PASD1: variants seen among roughly 807,000 people sequenced by gnomAD.
The protein encoded by PASD1 is circadian clock protein PASD1.
Under a neutral mutation model 58.8 loss-of-function variants are expected in PASD1, and 13 were observed. That is an observed-to-expected ratio of 0.22 (90% CI 0.14 to 0.35). The LOEUF is 0.35. PASD1 is among the 10% of genes least tolerant of loss of function. The pLI, the probability that PASD1 is intolerant of heterozygous loss-of-function variation, is 1.00. For missense variants in PASD1, 734 were observed against 568.3 expected (o/e 1.29, Z -2.96); for synonymous variants, 236 against 216.7 (o/e 1.09, Z -0.78).
intron 1 of PASD1, among the ~76,000 whole-genome samples, chrX:151,599,953 A>T (rs1392773922): frequency 1.8e-5 from 2 of 111,957 alleles, no homozygotes; most frequent in African/African-American, 3.2e-5. Context: ...AGATCACGCC[A>T]CTGCACACCA....
intron 1 of PASD1, among the ~76,000 whole-genome samples, chrX:151,599,857 C>T (rs1014817116): frequency 2.2e-3 from 246 of 110,727 alleles, no homozygotes; most frequent in Non-Finnish European, 3.0e-3. Context: ...ACTTCCTAGA[C>T]GGGGTGGCGG....
intron 9 of PASD1, among the ~76,000 whole-genome samples, chrX:151,650,125 A>G: frequency 8.9e-6 from 1 of 111,735 alleles, no homozygotes; most frequent in African/African-American, 3.3e-5. Context: ...CACACAAACT[A>G]ATTACAGGTA....
chrX:151,617,111 T>G (rs1472411680), intron 4 of PASD1, among the ~76,000 whole-genome samples: 5 of 111,722 alleles, frequency 4.5e-5, no homozygotes, highest in Non-Finnish European at 9.4e-5. Flanking sequence ...CAAACTTGGC[T>G]TTTGAAAAAC....
intron 1 of PASD1, among the ~76,000 whole-genome samples, chrX:151,566,022 G>A (rs752371703): frequency 1.8e-5 from 2 of 112,197 alleles, no homozygotes; most frequent in East Asian, 5.6e-4. Context: ...GAGAGCATTT[G>A]GTTGTTGGTA....
intron 10 of PASD1, among the ~76,000 whole-genome samples, chrX:151,660,694 A>G (rs1452860496): frequency 8.9e-6 from 1 of 112,652 alleles, no homozygotes; most frequent in Admixed American, 9.4e-5. Flanking sequence ...CCAATGATGG[A>G]GAAATCCTTA....
chrX:151,570,089 G>C (rs1602898424), intron 1 of PASD1, among the ~76,000 whole-genome samples: 1 of 111,448 alleles, frequency 9.0e-6, no homozygotes, highest in East Asian at 2.8e-4. Context: ...GGACAAGGCA[G>C]CCCTGCAGTA....
Position 151,672,676 on chromosome X carries a change from G to A in PASD1, c.1916+15G>A, listed in dbSNP as rs771429476. 1 of 1,207,820 alleles carries A rather than the reference G, an allele frequency of 8.3e-7. No homozygotes were observed. The highest frequency in any genetic ancestry group is 1.7e-5 in the African/African-American group (1 of 57,801). The stretch of plus-strand genomic sequence containing the variant: ...GAGAGTCAAAGGTAAGACATGCATG[G>A]AATGGTGATAGTGGCTATGATTATT... On this transcript the variant is annotated intron_variant, in intron 14 of 15. Transcript: ENST00000370357.
chrX:151,606,131 C>T (rs1447512108), intron 3 of PASD1, among the ~76,000 whole-genome samples: 2 of 111,783 alleles, frequency 1.8e-5, no homozygotes, highest in Non-Finnish European at 3.8e-5. Flanking sequence ...CCCTCCTTTC[C>T]ACTTTTTTCC....
intron 9 of PASD1, among the ~76,000 whole-genome samples, chrX:151,651,953 C>T (rs1237823553): frequency 8.9e-6 from 1 of 112,217 alleles, no homozygotes; most frequent in Non-Finnish European, 1.9e-5. Flanking sequence ...ACTATTTTGT[C>T]ATATTGTCCT....
chrX:151,669,234 T>C (rs1202114057), intron 11 of PASD1, among the ~76,000 whole-genome samples: 1 of 106,413 alleles, frequency 9.4e-6, no homozygotes, highest in Non-Finnish European at 1.9e-5. Flanking sequence ...ATTGATGGTT[T>C]TCATATTATA....
Position 151,671,137 on chromosome X carries a change from C to T in PASD1, c.1171C>T (p.Leu391=). The T allele has an allele frequency of 8.3e-7, 1 of 1,211,763 alleles. No homozygotes were observed. Among genetic ancestry groups the T allele is most frequent in the Non-Finnish European group, 1.1e-6 (1 of 895,462 alleles). Residue 391 remains leucine (L), a synonymous_variant, in exon 12 of 16, where the codon CTG becomes TTG. Transcript: ENST00000370357. ...KEQLEERTWL[L]HDAIQNQQNA... The stretch of plus-strand genomic sequence containing the variant: ...GCAGCTAGAAGAGAGGACTTGGTTG[C>T]TGCATGATGCCATCCAAAACCAGCA...
intron 1 of PASD1, among the ~76,000 whole-genome samples, chrX:151,575,540 C>T (rs12840205): frequency 0.092 from 10,259 of 111,786 alleles, 502 homozygotes; most frequent in Non-Finnish European, 0.14. Flanking sequence ...TACTTTTGTA[C>T]TTACCTTTTT....
At chrX:151,635,244 T>C (rs1434611474) in intron 8 of PASD1, among the ~76,000 whole-genome samples, 1 of 111,095 alleles carries the variant, frequency 9.0e-6, no homozygotes, top group African/African-American at 3.3e-5. Context: ...CAGCCAGTTC[T>C]CTAAGTCTTA....
At chrX:151,585,264 T>C (rs2013149144) in intron 1 of PASD1, among the ~76,000 whole-genome samples, 1 of 112,227 alleles carries the variant, frequency 8.9e-6, no homozygotes, top group Non-Finnish European at 1.9e-5. Context: ...AGCTGGTTGA[T>C]CTTGGGCTAC....
chrX:151,573,433 A>G (rs757191617), intron 1 of PASD1, among the ~76,000 whole-genome samples: 2 of 112,505 alleles, frequency 1.8e-5, no homozygotes, highest in Non-Finnish European at 3.8e-5. Context: ...GCTGAATGTT[A>G]TTCTTCATAG....
chrX:151,623,104 G>A (rs775197317), intron 7 of PASD1, 40 bp downstream of exon 7: 28 of 1,194,844 alleles, frequency 2.3e-5, no homozygotes, highest in Middle Eastern at 2.4e-4. Context: ...CTGTGGCGAT[G>A]TGGGCTTCCT....
chrX:151,652,123 T>G (rs1303727283), intron 9 of PASD1, among the ~76,000 whole-genome samples: 2 of 112,114 alleles, frequency 1.8e-5, no homozygotes, highest in Non-Finnish European at 3.8e-5. Flanking sequence ...TGGGGGTGGA[T>G]TCATCAGTTA....
At chrX:151,608,115 A>G (rs1372042164) in intron 3 of PASD1, among the ~76,000 whole-genome samples, 2 of 111,518 alleles carry the variant, frequency 1.8e-5, no homozygotes, top group Non-Finnish European at 3.8e-5. Context: ...GAAAATGACA[A>G]TGCTTTTCAA....
At chrX:151,613,837 A>G (rs2013600621) in intron 4 of PASD1, among the ~76,000 whole-genome samples, 2 of 111,665 alleles carry the variant, frequency 1.8e-5, no homozygotes, top group Non-Finnish European at 3.8e-5. Context: ...TGTCTTTGTA[A>G]ACAACACAAA....
Sources: gnomAD v4.1 joint callset for allele counts (sites outside exome capture counted in the v4.1 genomes callset) on GRCh38, gnomAD v4.1.1 for gene constraint, MANE v1.5 for transcripts, NCBI Gene and HGNC (gene_info 2026-07-23, HGNC 2026-07-21) for gene names.